RAP1GAP: variants seen among roughly 807,000 people sequenced by gnomAD.
The protein encoded by RAP1GAP is rap1 GTPase-activating protein 1.
Under a neutral mutation model 87.2 loss-of-function variants are expected in RAP1GAP, and 35 were observed. The observed-to-expected ratio is 0.40, with a 90% confidence interval of 0.31 to 0.53. The LOEUF (loss-of-function observed/expected upper bound fraction) is 0.53, where lower values mean the gene tolerates loss of function less well. RAP1GAP is among the 20% of genes least tolerant of loss of function. The probability of loss-of-function intolerance (pLI) is 0.48; values close to 1 mark genes in which losing one functional copy is unlikely to be tolerated. For missense variants in RAP1GAP, 734 were observed against 898.9 expected (o/e 0.82, Z 2.35); for synonymous variants, 375 against 363.9 (o/e 1.03, Z -0.35).
intron 21 of RAP1GAP, among the ~76,000 whole-genome samples, chr1:21,599,193 G>A (rs2066170056): frequency 6.6e-6 from 1 of 152,232 alleles, no homozygotes; most frequent in Non-Finnish European, 1.5e-5. Context: ...AGTGAGCCTG[G>A]GAGGCTTGGG....
At chr1:21,633,739 G>A (rs1470647714) in intron 2 of RAP1GAP, among the ~76,000 whole-genome samples, 3 of 152,178 alleles carry the variant, frequency 2.0e-5, no homozygotes, top group African/African-American at 4.8e-5. Context: ...AGGGGCCTGA[G>A]GGGTTCCGGC....
In RAP1GAP at chr1:21,668,919, C is replaced by T. The variant is rs1045399600; in HGVS notation, c.-149+335G>A. Among the ~76,000 whole-genome samples, 10 of 151,880 alleles carry T rather than the reference C, an allele frequency of 6.6e-5. No homozygotes were observed. Among genetic ancestry groups the T allele is most frequent in the African/African-American group, 2.2e-4 (9 of 41,500 alleles). ...GTCCCTCCTCTAAACCCCAGGCGCC[C>T]CCACCTCGAGGTGGGCGGAAAACTG... On this transcript the variant is annotated intron_variant, in intron 1 of 24. Coordinates refer to ENST00000374765, the MANE Select transcript of RAP1GAP (RefSeq NM_002885.4). This position sits in a 1 kb window ranked among gnomAD's most constrained non-coding sequence, Gnocchi z 6.2.
At chr1:21,665,271 G>A (rs748531294) in intron 1 of RAP1GAP, 3 of 517,298 alleles carry the variant, frequency 5.8e-6, no homozygotes, top group African/African-American at 1.9e-5. Flanking sequence ...TGCTTCCTCC[G>A]AATGGGGGTC....
At position 21,622,267 on chromosome 1, in the gene RAP1GAP, C is replaced by T. The variant is rs374688352; in HGVS notation, c.-18-2217G>A. ...CCCGCCCTGGCTGGGGCAGAGCCGG[C>T]CGGGCTCCCCAGCAGTCGGGGTGAC... On this transcript the variant is annotated intron_variant, in intron 3 of 24. Coordinates refer to ENST00000374765, the MANE Select transcript of RAP1GAP (RefSeq NM_002885.4). This position sits in a 1 kb window ranked among gnomAD's most constrained non-coding sequence, Gnocchi z 5.7. 2 of 438,494 alleles carry T rather than the reference C, an allele frequency of 4.6e-6. No individual in the cohort carries two copies. The highest frequency in any genetic ancestry group is 6.2e-4 in the Middle Eastern group (1 of 1,624). 27.2% of individuals were successfully genotyped at this position (438,494 alleles called of 1,614,324 possible). A position where few individuals can be genotyped will look rare whatever the true frequency, so the allele number is the denominator to read the frequency against.
At chr1:21,597,342 C>CA (rs1467946518) in intron 24 of RAP1GAP, 78 bp from the exon 25 acceptor site, 2 of 255,384 alleles carry the variant, frequency 7.8e-6, no homozygotes, top group Non-Finnish European at 1.5e-5. Flanking sequence ...CCAACTCTGC[C>CA]AAGTCCCTGC....
At chr1:21,624,120 T>G (rs1445287845) in intron 3 of RAP1GAP, among the ~76,000 whole-genome samples, 3 of 152,092 alleles carry the variant, frequency 2.0e-5, no homozygotes, top group Non-Finnish European at 4.4e-5. Context: ...TATGTAGGTG[T>G]GGGTAGGCTG....
rs3215988 is a variant in RAP1GAP, at chr1:21,602,963, G to GC, written c.1429-51dup. Reference sequence around the variant, plus strand: ...TGCCACCTTACCTGGGAGCCCCAGTGCCCCCCCCACATCCCCTCTGGGGAT... The same window carrying GC: ...TGCCACCTTACCTGGGAGCCCCAGTGCCCCCCCCCACATCCCCTCTGGGGAT... On this transcript the variant is annotated intron_variant, in intron 18 of 24. Transcript: ENST00000374765. 132 of 1,293,830 alleles carry GC rather than the reference G, an allele frequency of 1.0e-4. No homozygotes were observed. The Middle Eastern group carries it at 1.3e-3, about 13-fold the overall frequency. 80.1% of individuals were successfully genotyped at this position (1,293,830 alleles called of 1,614,324 possible).
intron 2 of RAP1GAP, among the ~76,000 whole-genome samples, chr1:21,644,296 C>G (rs1043841842): frequency 6.6e-6 from 1 of 152,172 alleles, no homozygotes; most frequent in Non-Finnish European, 1.5e-5. Context: ...GGTTCAAACA[C>G]CCCCTCTTCA....
chr1:21,663,627 A>T (rs1010847200), intron 1 of RAP1GAP, among the ~76,000 whole-genome samples: 24 of 152,056 alleles, frequency 1.6e-4, no homozygotes, highest in African/African-American at 5.6e-4. Flanking sequence ...GGCCTTGGAG[A>T]GGGCTGTCCT....
chr1:21,629,565 C>T (rs758289461), intron 2 of RAP1GAP, among the ~76,000 whole-genome samples: 21 of 152,290 alleles, frequency 1.4e-4, no homozygotes, highest in Middle Eastern at 3.4e-3. Flanking sequence ...ACCTAAAAAG[C>T]CACTGCTGAG....
At chr1:21,620,955 C>T (rs1309840389) in intron 3 of RAP1GAP, among the ~76,000 whole-genome samples, 2 of 152,156 alleles carry the variant, frequency 1.3e-5, no homozygotes, top group Non-Finnish European at 2.9e-5. Context: ...GTATATGTTT[C>T]GTGTACCAAG....
At chr1:21,653,583 CCTTCCTT>C (rs1477545496) in intron 1 of RAP1GAP, among the ~76,000 whole-genome samples, 8 of 128,174 alleles carry the variant, frequency 6.2e-5, no homozygotes, top group South Asian at 2.6e-4. Flanking sequence ...TTCCTTCCTT[CCTTCCTT>C]CCTCCCTCCC....
chr1:21,649,869 C>T, intron 1 of RAP1GAP, 73 bp from the exon 2 acceptor site: 2 of 1,438,552 alleles, frequency 1.4e-6, no homozygotes, highest in African/African-American at 1.4e-5. Flanking sequence ...ATATCACACC[C>T]ACCTGCACTG....
intron 3 of RAP1GAP, among the ~76,000 whole-genome samples, chr1:21,624,946 G>C (rs561629398): frequency 6.6e-6 from 1 of 152,310 alleles, no homozygotes; most frequent in Non-Finnish European, 1.5e-5. Context: ...GGCTCCTCCT[G>C]AGATGCTCAG....
chr1:21,646,849 A>T (rs2096096668), intron 2 of RAP1GAP, among the ~76,000 whole-genome samples: 1 of 152,168 alleles, frequency 6.6e-6, no homozygotes, highest in Non-Finnish European at 1.5e-5. Context: ...TTGCATCTGC[A>T]CACCTACTCT....
chr1:21,641,057 A>G (rs1335886344), intron 2 of RAP1GAP, among the ~76,000 whole-genome samples: 3 of 145,064 alleles, frequency 2.1e-5, no homozygotes, highest in South Asian at 2.2e-4. Flanking sequence ...ACAGGCATGC[A>G]CCACTACGCC....
chr1:21,663,301 G>A (rs1189544956), intron 1 of RAP1GAP, among the ~76,000 whole-genome samples: 3 of 152,224 alleles, frequency 2.0e-5, no homozygotes, highest in East Asian at 1.9e-4. Flanking sequence ...GGCAAGGCTA[G>A]AGTCTTCAGT....
At chr1:21,632,455 A>G (rs1415492806) in intron 2 of RAP1GAP, among the ~76,000 whole-genome samples, 2 of 152,184 alleles carry the variant, frequency 1.3e-5, no homozygotes, top group African/African-American at 2.4e-5. Context: ...AGGATCCCCA[A>G]TTGCCAGCAG....
At position 21,608,321 on chromosome 1, in the gene RAP1GAP, C is replaced by A. The variant is rs1172952989; in HGVS notation, c.1188G>T (p.Thr396=). 6.2e-6 allele frequency: 10 copies of A among 1,613,710 alleles called. No homozygotes were observed. The highest frequency in any genetic ancestry group is 1.7e-5 in the Admixed American group (1 of 60,010). ...TGTGGATGTGTAGTTCCTCATAGAG[C>A]GTCTCCAGGAGGGCGGCCCGCGTCC... ...EERTRAALLE[T]LYEELHIHSQ... is the part of the protein sequence containing the mutation. Residue 396 remains threonine (T), a synonymous_variant, in exon 17 of 25, where the codon ACG becomes ACT. Transcript: ENST00000374765.
Sources: gnomAD v4.1 joint callset for allele counts (sites outside exome capture counted in the v4.1 genomes callset) on GRCh38, gnomAD v4.1.1 for gene constraint, Gnocchi (gnomAD v3.1) non-coding constraint, MANE v1.5 for transcripts, NCBI Gene and HGNC (gene_info 2026-07-23, HGNC 2026-07-21) for gene names.